The following LDB2 variants were observed in gnomAD, a reference collection of about 807,000 sequenced individuals.
The protein encoded by LDB2 is LIM domain binding 2.
Under a neutral mutation model 44.3 loss-of-function variants are expected in LDB2, and 12 were observed. The ratio of observed to expected loss-of-function variants is 0.27; its 90% CI spans 0.17 to 0.44. LDB2 has a LOEUF of 0.44. Among genes scored for constraint, LDB2 ranks in the 20% least tolerant of loss-of-function variants. The pLI is 1.00. For synonymous variants in LDB2, 164 were observed against 174.8 expected (o/e 0.94, Z 0.49); for missense variants, 344 against 473.5 (o/e 0.73, Z 2.54).
intron 5 of LDB2, among the ~76,000 whole-genome samples, chr4:16,550,430 A>G (rs1368434015): frequency 6.6e-6 from 1 of 152,252 alleles, no homozygotes; most frequent in African/African-American, 2.4e-5. Context: ...CATTTGTTAG[A>G]TAAATGAAAG....
chr4:16,531,524 T>C (rs1365656454), intron 5 of LDB2, among the ~76,000 whole-genome samples: 2 of 152,214 alleles, frequency 1.3e-5, no homozygotes, highest in African/African-American at 4.8e-5. Context: ...TCACTTTCTC[T>C]ATTTGTGCAG....
intron 2 of LDB2, among the ~76,000 whole-genome samples, chr4:16,745,618 C>T (rs1011613211): frequency 6.6e-6 from 1 of 152,074 alleles, no homozygotes; most frequent in African/African-American, 2.4e-5. Context: ...TTGTGGAAGA[C>T]ATATGGAGGA....
At chr4:16,547,674 C>CTAAT (rs1736236507) in intron 5 of LDB2, among the ~76,000 whole-genome samples, 3 of 152,258 alleles carry the variant, frequency 2.0e-5, no homozygotes, top group South Asian at 2.1e-4. Flanking sequence ...AACCTAGACC[C>CTAAT]TAATTATAGA....
chr4:16,538,572 G>A (rs1438410319), intron 5 of LDB2, among the ~76,000 whole-genome samples: 1 of 152,132 alleles, frequency 6.6e-6, no homozygotes, highest in Non-Finnish European at 1.5e-5. Flanking sequence ...TGCTTGCTGA[G>A]CACCTGCTAG....
rs761894862 is a variant in LDB2, at chr4:16,898,339, G to A, written c.132+15C>T. 9 of 1,608,918 alleles carry A rather than the reference G, an allele frequency of 5.6e-6. 1 individual carries two copies. The South Asian group carries it at 9.9e-5, about 18-fold the overall frequency. On this transcript the variant is annotated intron_variant, in intron 1 of 7. Coordinates refer to ENST00000304523, the MANE Select transcript of LDB2 (RefSeq NM_001290.5). ...CAAAAATACACAAACACATCCCCAA[G>A]GTTGAAGTACTTACCTCTGTGCGAG...
chr4:16,847,882 C>T (rs1346946457), intron 1 of LDB2, among the ~76,000 whole-genome samples: 1 of 152,228 alleles, frequency 6.6e-6, no homozygotes, highest in Non-Finnish European at 1.5e-5. Flanking sequence ...TCCCAGAGTG[C>T]TGGGATTACA....
intron 1 of LDB2, among the ~76,000 whole-genome samples, chr4:16,793,377 T>C (rs1776144079): frequency 6.6e-6 from 1 of 152,160 alleles, no homozygotes; most frequent in African/African-American, 2.4e-5. Flanking sequence ...ATCTCCAGTG[T>C]TCCTTCAGGT....
intron 1 of LDB2, among the ~76,000 whole-genome samples, chr4:16,838,528 C>A (rs1472933043): frequency 6.6e-6 from 1 of 152,088 alleles, no homozygotes; most frequent in Non-Finnish European, 1.5e-5. Flanking sequence ...AGTTTTGGGC[C>A]AAGATTTAGG....
At chr4:16,835,999 G>A (rs1456606614) in intron 1 of LDB2, among the ~76,000 whole-genome samples, 1 of 152,144 alleles carries the variant, frequency 6.6e-6, no homozygotes, top group Non-Finnish European at 1.5e-5. Flanking sequence ...AATTTCTTTG[G>A]TGTAAATACT....
intron 2 of LDB2, among the ~76,000 whole-genome samples, chr4:16,635,020 T>C (rs1217620668): frequency 6.6e-6 from 1 of 151,976 alleles, no homozygotes; most frequent in Non-Finnish European, 1.5e-5. Flanking sequence ...AAACCATCAT[T>C]CTCAGCAAAC....
chr4:16,506,015 T>C, intron 7 of LDB2: 1 of 1,548,412 alleles, frequency 6.5e-7, no homozygotes, highest in Non-Finnish European at 8.7e-7. Context: ...AATCCAAGGA[T>C]TAAACCCTAG....
intron 5 of LDB2, among the ~76,000 whole-genome samples, chr4:16,543,458 C>T (rs1010038681): frequency 2.0e-4 from 31 of 152,310 alleles, no homozygotes; most frequent in African/African-American, 5.8e-4. Context: ...TTTTAACGAT[C>T]GCCATTCTAA....
At chr4:16,665,676 G>T (rs1742927915) in intron 2 of LDB2, among the ~76,000 whole-genome samples, 1 of 152,088 alleles carries the variant, frequency 6.6e-6, no homozygotes, top group Non-Finnish European at 1.5e-5. Flanking sequence ...CAGGACAGGG[G>T]GAAGAAAAAG....
At chr4:16,629,220 A>G (rs2152492339) in intron 2 of LDB2, among the ~76,000 whole-genome samples, 1 of 152,318 alleles carries the variant, frequency 6.6e-6, no homozygotes, top group Admixed American at 6.5e-5. Flanking sequence ...AAGGCAGCAG[A>G]CAGCTTCTTC....
chr4:16,816,025 T>C (rs1780820040), intron 1 of LDB2, among the ~76,000 whole-genome samples: 3 of 152,108 alleles, frequency 2.0e-5, no homozygotes, highest in Admixed American at 1.3e-4. Context: ...CTGGCCAACA[T>C]GGTGAAACCC....
chr4:16,642,030 A>C (rs1735317089), intron 2 of LDB2, among the ~76,000 whole-genome samples: 1 of 152,208 alleles, frequency 6.6e-6, no homozygotes, highest in Non-Finnish European at 1.5e-5. Context: ...GTCAACTAAA[A>C]ATAAAACAGA....
intron 2 of LDB2, among the ~76,000 whole-genome samples, chr4:16,614,580 C>CAAAAAAAAAAAAAAAAAAAAAAA (rs1164613202): frequency 5.6e-5 from 3 of 53,826 alleles, no homozygotes; most frequent in East Asian, 7.1e-4. Flanking sequence ...CAAGAAAAAA[C>CAAAAAAAAAAAAAAAAAAAAAAA]AAAAAAAAAA....
At chr4:16,870,562 T>C (rs1716235491) in intron 1 of LDB2, among the ~76,000 whole-genome samples, 1 of 152,020 alleles carries the variant, frequency 6.6e-6, no homozygotes, top group African/African-American at 2.4e-5. Context: ...GGCCTCACCA[T>C]CTCTGCAGCC....
intron 1 of LDB2, among the ~76,000 whole-genome samples, chr4:16,840,024 C>T (rs1206259224): frequency 6.6e-6 from 1 of 152,300 alleles, no homozygotes; most frequent in African/African-American, 2.4e-5. Context: ...CCTTTGCATG[C>T]TAGTAGTAAA....
Sources: gnomAD v4.1 joint callset for allele counts (sites outside exome capture counted in the v4.1 genomes callset) on GRCh38, gnomAD v4.1.1 for gene constraint, MANE v1.5 for transcripts, NCBI Gene and HGNC (gene_info 2026-07-23, HGNC 2026-07-21) for gene names.